Variants in PHF20 observed in about 807,000 individuals in gnomAD.
PHF20 encodes the protein PHD finger protein 20.
A neutral mutation model predicts 113.5 loss-of-function variants in PHF20; 23 were observed. The ratio of observed to expected loss-of-function variants is 0.20; its 90% CI spans 0.15 to 0.29. The LOEUF is 0.29. Ranked by LOEUF, PHF20 falls within the 10% of genes least tolerant of loss-of-function variation. The pLI, the probability that PHF20 is intolerant of heterozygous loss-of-function variation, is 1.00. For synonymous variants in PHF20, 434 were observed against 457.3 expected (o/e 0.95, Z 0.65); for missense variants, 943 against 1,219.6 (o/e 0.77, Z 3.38).
intron 10 of PHF20, among the ~76,000 whole-genome samples, chr20:35,912,409 T>G (rs2055324013): frequency 6.6e-6 from 1 of 152,220 alleles, no homozygotes; most frequent in Admixed American, 6.5e-5. Flanking sequence ...AGGATTGACA[T>G]CTTAAGGAGT....
chr20:35,908,666 T>A (rs926368298), intron 10 of PHF20, among the ~76,000 whole-genome samples: 2 of 152,202 alleles, frequency 1.3e-5, no homozygotes, highest in Non-Finnish European at 2.9e-5. Context: ...ATCCTTCCAG[T>A]GGCTCCCTAA....
chr20:35,911,671 G>A (rs1413440115), intron 10 of PHF20, among the ~76,000 whole-genome samples: 1 of 151,972 alleles, frequency 6.6e-6, no homozygotes, highest in Non-Finnish European at 1.5e-5. Context: ...TTGTTTGTTT[G>A]TTTTGGAGAC....
chr20:35,897,724 G>A (rs2055014426), intron 9 of PHF20, among the ~76,000 whole-genome samples: 1 of 151,352 alleles, frequency 6.6e-6, no homozygotes, highest in Admixed American at 6.6e-5. Context: ...CCGACACCAC[G>A]CCCGACTAAT....
At chr20:35,797,249 A>G (rs1408989197) in intron 1 of PHF20, among the ~76,000 whole-genome samples, 1 of 151,016 alleles carries the variant, frequency 6.6e-6, no homozygotes, top group African/African-American at 2.4e-5. Context: ...GTGGTGGCTC[A>G]TGCCTGTAAT....
intron 14 of PHF20, chr20:35,928,546 A>C (rs1016254547): frequency 6.6e-6 from 1 of 151,876 alleles, no homozygotes. Context: ...CAGAACTTTC[A>C]TCCTGCCTGA....
chr20:35,840,158 A>G (rs916975257), intron 2 of PHF20, among the ~76,000 whole-genome samples: 7 of 152,204 alleles, frequency 4.6e-5, no homozygotes, highest in African/African-American at 7.2e-5. Flanking sequence ...CAGGGAGAAA[A>G]TACAGATAGA....
In PHF20 at chr20:35,807,084, T is replaced by C. The variant is rs542775608; in HGVS notation, c.83+5479T>C. ...TGCTGGGATTACAGGCATGAGCCACTGCACCCGGTCAACCTTTACTCTTTA... is the reference window on the plus strand; with the variant it reads ...TGCTGGGATTACAGGCATGAGCCACCGCACCCGGTCAACCTTTACTCTTTA... On this transcript the variant is annotated intron_variant, in intron 2 of 17. Coordinates refer to ENST00000374012, the MANE Select transcript of PHF20 (RefSeq NM_016436.5). Among the ~76,000 whole-genome samples, 72 of 152,248 alleles carry C rather than the reference T, an allele frequency of 4.7e-4. 1 individual carries two copies. In the South Asian group the frequency reaches 0.013, roughly 28 times the overall value.
At chr20:35,797,156 G>T (rs1202865523) in intron 1 of PHF20, among the ~76,000 whole-genome samples, 1 of 151,904 alleles carries the variant, frequency 6.6e-6, no homozygotes, top group East Asian at 1.9e-4. Flanking sequence ...CTCCCAAAGT[G>T]CTGGGATTAT....
intron 2 of PHF20, among the ~76,000 whole-genome samples, chr20:35,818,266 C>CTCCG (rs1294115513): frequency 1.3e-5 from 2 of 151,984 alleles, no homozygotes; most frequent in Non-Finnish European, 2.9e-5. Context: ...CAGAGCAAGA[C>CTCCG]TCCGTCTCAA....
At chr20:35,876,015 G>A (rs1282607500) in intron 9 of PHF20, among the ~76,000 whole-genome samples, 1 of 152,182 alleles carries the variant, frequency 6.6e-6, no homozygotes, top group African/African-American at 2.4e-5. Context: ...GGACAGGTGA[G>A]TCTAGGGGAA....
intron 17 of PHF20, among the ~76,000 whole-genome samples, chr20:35,946,671 ATTTTATTTTATTTAT>A (rs533609751): frequency 0.011 from 1,635 of 146,242 alleles, 21 homozygotes; most frequent in African/African-American, 0.038. Flanking sequence ...ATTTTATTTT[ATTTTATTTTATTTAT>A]TTTATTTTAT....
intron 2 of PHF20, among the ~76,000 whole-genome samples, chr20:35,808,191 T>C (rs570136804): frequency 4.6e-5 from 7 of 152,326 alleles, no homozygotes; most frequent in Admixed American, 1.3e-4. Flanking sequence ...AACAACTGTT[T>C]TGCCTCTTCC....
intron 10 of PHF20, among the ~76,000 whole-genome samples, chr20:35,900,995 G>A (rs1037234603): frequency 6.6e-6 from 1 of 152,194 alleles, no homozygotes; most frequent in Non-Finnish European, 1.5e-5. Flanking sequence ...CTGGGCAGGA[G>A]GGAGTCTTCT....
At chr20:35,883,616 A>AT (rs1262036957) in intron 9 of PHF20, among the ~76,000 whole-genome samples, 1 of 152,000 alleles carries the variant, frequency 6.6e-6, no homozygotes, top group Middle Eastern at 3.2e-3. Context: ...TAATTTTTGT[A>AT]TTTTTTGTAG....
intron 2 of PHF20, among the ~76,000 whole-genome samples, chr20:35,841,546 C>T (rs1038022261): frequency 6.6e-6 from 1 of 151,810 alleles, no homozygotes; most frequent in South Asian, 2.1e-4. Context: ...CTGAGGTGGG[C>T]GGATCATGAG....
chr20:35,913,163 A>G (rs2055338715), intron 10 of PHF20, 86 bp from the exon 11 acceptor site: 1 of 751,812 alleles, frequency 1.3e-6, no homozygotes, highest in Non-Finnish European at 2.1e-6. Flanking sequence ...AGCCAGACCC[A>G]TCGGACATGC....
intron 13 of PHF20, among the ~76,000 whole-genome samples, chr20:35,918,902 T>C (rs1481067681): frequency 6.6e-6 from 1 of 152,242 alleles, no homozygotes; most frequent in Non-Finnish European, 1.5e-5. Flanking sequence ...AATAAGAATC[T>C]GTATAGCCTA....
At chr20:35,859,478 C>T (rs543025874) in intron 5 of PHF20, among the ~76,000 whole-genome samples, 6 of 151,738 alleles carry the variant, frequency 4.0e-5, no homozygotes, top group Admixed American at 2.0e-4. Context: ...ACTTGCTACT[C>T]ATCTGCTTGG....
At chr20:35,821,722 C>G (rs949083766) in intron 2 of PHF20, among the ~76,000 whole-genome samples, 2 of 152,086 alleles carry the variant, frequency 1.3e-5, no homozygotes, top group Non-Finnish European at 2.9e-5. Flanking sequence ...TGGGCAGAAA[C>G]AAGAAGAGCA....
Sources: gnomAD v4.1 joint callset for allele counts (sites outside exome capture counted in the v4.1 genomes callset) on GRCh38, gnomAD v4.1.1 for gene constraint, MANE v1.5 for transcripts, NCBI Gene and HGNC (gene_info 2026-07-23, HGNC 2026-07-21) for gene names.